GRAMD1B: variants seen among roughly 807,000 people sequenced by gnomAD.
GRAMD1B encodes GRAM domain containing 1B.
In GRAMD1B, 37 loss-of-function variants were observed where a neutral mutation model predicts 99.7. The observed-to-expected ratio is 0.37, with a 90% CI of 0.29 to 0.49. The LOEUF (loss-of-function observed/expected upper bound fraction) is 0.49, where lower values mean the gene tolerates loss of function less well. GRAMD1B is among the 20% of genes least tolerant of loss of function. GRAMD1B has a pLI of 0.98. For synonymous variants in GRAMD1B, 427 were observed against 387.6 expected (o/e 1.10, Z -1.19); for missense variants, 888 against 1,009.2 (o/e 0.88, Z 1.63).
intron 2 of GRAMD1B, among the ~76,000 whole-genome samples, chr11:123,486,306 G>A (rs1937759534): frequency 6.6e-6 from 1 of 152,136 alleles, no homozygotes; most frequent in Admixed American, 6.5e-5. Context: ...CCAGCACTTG[G>A]GGAGGCCGAC....
intron 1 of GRAMD1B, among the ~76,000 whole-genome samples, chr11:123,435,152 G>A (rs1044007632): frequency 6.6e-6 from 1 of 152,154 alleles, no homozygotes; most frequent in Non-Finnish European, 1.5e-5. Context: ...CACAATTCAG[G>A]ATTTGGAAAT....
Position 123,466,429 on chromosome 11 carries a change from A to G in GRAMD1B, c.375-14387A>G, listed in dbSNP as rs183254158. Among the ~76,000 whole-genome samples the G allele has an allele frequency of 3.5e-3, 529 of 151,394 alleles. 1 individual carries two copies. The highest frequency in any genetic ancestry group is 6.1e-3 in the Non-Finnish European group (417 of 67,962). On this transcript the variant is annotated intron_variant, in intron 1 of 19. Coordinates refer to ENST00000635736, the MANE Select transcript of GRAMD1B (RefSeq NM_001387025.1). The stretch of plus-strand genomic sequence containing the variant: ...AAGGAAGAAAGAAAGAGAAAAAGAA[A>G]GAAAGGAAGAAAGAAAGAAAGAGAA...
intron 3 of GRAMD1B, among the ~76,000 whole-genome samples, chr11:123,583,044 ATATATGTGTGTCTCTG>A (rs1297211542): frequency 6.7e-6 from 1 of 149,590 alleles, no homozygotes; most frequent in Admixed American, 6.6e-5. Flanking sequence ...GTATGTGTGT[ATATATGTGTGTCTCTG>A]TATATGTGTG....
intron 2 of GRAMD1B, among the ~76,000 whole-genome samples, chr11:123,553,269 G>A (rs1253949240): frequency 6.6e-6 from 1 of 152,216 alleles, no homozygotes; most frequent in Non-Finnish European, 1.5e-5. Flanking sequence ...CCAGGAGCCA[G>A]TTATTCTATT....
At chr11:123,596,278 G>A (rs993966717) in intron 7 of GRAMD1B, among the ~76,000 whole-genome samples, 2 of 152,282 alleles carry the variant, frequency 1.3e-5, no homozygotes, top group East Asian at 1.9e-4. Context: ...TGAGTCCATC[G>A]ACAGTAAGCG....
At chr11:123,619,852 C>T (rs1273431682) in intron 19 of GRAMD1B, among the ~76,000 whole-genome samples, 1 of 152,180 alleles carries the variant, frequency 6.6e-6, no homozygotes, top group African/African-American at 2.4e-5. Context: ...AAATATGCCT[C>T]CATGTGGTTG....
intron 1 of GRAMD1B, among the ~76,000 whole-genome samples, chr11:123,417,496 G>T (rs1792348437): frequency 6.6e-6 from 1 of 152,208 alleles, no homozygotes; most frequent in South Asian, 2.1e-4. Context: ...ATGTTGACAT[G>T]AAAGTCTGAA....
At chr11:123,386,142 C>G (rs555795690) in intron 1 of GRAMD1B, among the ~76,000 whole-genome samples, 1 of 152,264 alleles carries the variant, frequency 6.6e-6, no homozygotes, top group East Asian at 1.9e-4. Flanking sequence ...TCCCATCTGT[C>G]AAGTGAGATT....
rs554901554 is a variant in GRAMD1B, at chr11:123,495,608, A to G, written c.452+14715A>G. 2.7e-5 allele frequency among the ~76,000 whole-genome samples: 4 copies of G among 150,344 alleles called. No individual in the cohort carries two copies. In the East Asian group the frequency reaches 5.8e-4, roughly 22 times the overall value. ...AACCATTCTTCTACTCTCTTTCTCCATGAGTTCAATTGTTTTGCTTTTTAG... is the reference window on the plus strand; with the variant it reads ...AACCATTCTTCTACTCTCTTTCTCCGTGAGTTCAATTGTTTTGCTTTTTAG... On this transcript the variant is annotated intron_variant, in intron 2 of 19. Coordinates refer to ENST00000635736, the MANE Select transcript of GRAMD1B (RefSeq NM_001387025.1).
chr11:123,456,507 G>A (rs1416830270), intron 1 of GRAMD1B, among the ~76,000 whole-genome samples: 1 of 152,160 alleles, frequency 6.6e-6, no homozygotes, highest in East Asian at 1.9e-4. Flanking sequence ...AAGTGTGGTG[G>A]CGCATGCCTA....
intron 2 of GRAMD1B, among the ~76,000 whole-genome samples, chr11:123,556,682 T>A (rs1034769644): frequency 6.6e-6 from 1 of 152,206 alleles, no homozygotes; most frequent in African/African-American, 2.4e-5. Context: ...TTACCTCAAT[T>A]TCCTAAATTC....
chr11:123,496,928 T>C (rs1385679712), intron 2 of GRAMD1B, among the ~76,000 whole-genome samples: 1 of 152,190 alleles, frequency 6.6e-6, no homozygotes, highest in Non-Finnish European at 1.5e-5. Flanking sequence ...AAGTCACATA[T>C]CTCTGTTTCT....
intron 17 of GRAMD1B, among the ~76,000 whole-genome samples, chr11:123,617,641 G>T (rs552911759): frequency 6.6e-6 from 1 of 152,096 alleles, no homozygotes; most frequent in African/African-American, 2.4e-5. Context: ...AGTAGGATAG[G>T]TATTACTGTC....
intron 1 of GRAMD1B, among the ~76,000 whole-genome samples, chr11:123,370,233 T>G (rs1946477427): frequency 6.6e-6 from 1 of 151,136 alleles, no homozygotes. Context: ...GGAGAATCGC[T>G]TGAACCCAGG....
intron 1 of GRAMD1B, among the ~76,000 whole-genome samples, chr11:123,398,719 T>C (rs1312012612): frequency 1.3e-5 from 2 of 152,230 alleles, no homozygotes; most frequent in African/African-American, 2.4e-5. Context: ...GTCATTTATA[T>C]ATTTTCTTTT....
At chr11:123,462,885 AT>A (rs1344630383) in intron 1 of GRAMD1B, among the ~76,000 whole-genome samples, 8 of 115,688 alleles carry the variant, frequency 6.9e-5, no homozygotes, top group Non-Finnish European at 1.3e-4. Context: ...CAATAAAAAA[AT>A]AAATTAAAAA....
In GRAMD1B at chr11:123,587,926, CCT is replaced by C. The variant is rs977488050; in HGVS notation, c.684+3599_684+3600del. Among the ~76,000 whole-genome samples, 2 of 151,990 alleles carry C rather than the reference CCT, an allele frequency of 1.3e-5. 1 individual carries two copies. The highest frequency in any genetic ancestry group is 4.2e-4 in the South Asian group (2 of 4,818). Reference sequence around the variant, plus strand: ...TGCTCCTCCTCCTCTGTCTGTCTCCCCTCTCTATTTACTCCCAACTTGAAGGG... The same window carrying C: ...TGCTCCTCCTCCTCTGTCTGTCTCCCCTCTATTTACTCCCAACTTGAAGGG... On this transcript the variant is annotated intron_variant, in intron 4 of 19. Coordinates refer to ENST00000635736, the MANE Select transcript of GRAMD1B (RefSeq NM_001387025.1). This position sits in a 1 kb window ranked among gnomAD's most constrained non-coding sequence, Gnocchi z 4.2.
intron 2 of GRAMD1B, among the ~76,000 whole-genome samples, chr11:123,515,475 A>C (rs1053566252): frequency 6.6e-6 from 1 of 152,206 alleles, no homozygotes; most frequent in Non-Finnish European, 1.5e-5. Context: ...GTATCCTGCA[A>C]ATATTCCAAA....
intron 1 of GRAMD1B, among the ~76,000 whole-genome samples, chr11:123,464,246 G>C (rs574127950): frequency 3.7e-4 from 57 of 152,252 alleles, no homozygotes; most frequent in African/African-American, 1.3e-3. Context: ...GAAGACTGCA[G>C]TGAGCCATGT....
Sources: allele counts gnomAD v4.1 joint callset (sites outside exome capture counted in the v4.1 genomes callset), GRCh38; gene constraint gnomAD v4.1.1; non-coding constraint Gnocchi (gnomAD v3.1); transcripts MANE v1.5; gene names NCBI Gene and HGNC (gene_info 2026-07-23, HGNC 2026-07-21).